Variants in LOC400499 observed in about 807,000 individuals in gnomAD.
At chr16:11,512,909 G>A in the LOC400499 span, among the ~76,000 whole-genome samples, 14 of 152,242 alleles carry the variant, frequency 9.2e-5, no homozygotes, top group East Asian at 1.9e-4. Context: ...GAGCGAAGTC[G>A]GAGAAATCCC....
the LOC400499 span, among the ~76,000 whole-genome samples, chr16:11,402,847 G>T: frequency 6.6e-6 from 1 of 152,022 alleles, no homozygotes; most frequent in Non-Finnish European, 1.5e-5. Context: ...GGAGCTGATG[G>T]GGGCAGCCGC....
the LOC400499 span, chr16:11,425,330 G>A: frequency 2.5e-6 from 1 of 399,208 alleles, no homozygotes; most frequent in Non-Finnish European, 4.4e-6. Flanking sequence ...TCTGGGCAAG[G>A]ACACAGGTCA....
At chr16:11,505,954 G>C in the LOC400499 span, among the ~76,000 whole-genome samples, 1 of 152,138 alleles carries the variant, frequency 6.6e-6, no homozygotes, top group South Asian at 2.1e-4. Context: ...GGAATCTATT[G>C]AGTATTAGAG....
the LOC400499 span, among the ~76,000 whole-genome samples, chr16:11,432,658 C>T: frequency 1.3e-5 from 2 of 152,186 alleles, no homozygotes; most frequent in African/African-American, 4.8e-5. Flanking sequence ...GGGCAGGGGA[C>T]ACAGTTCCTA....
chr16:11,411,182 C>T, the LOC400499 span: 1 of 399,020 alleles, frequency 2.5e-6, no homozygotes, highest in Non-Finnish European at 4.4e-6. Context: ...GGGGCCTGGC[C>T]CCCTCCTGCC....
At chr16:11,487,617 A>T in the LOC400499 span, among the ~76,000 whole-genome samples, 3 of 152,096 alleles carry the variant, frequency 2.0e-5, no homozygotes, top group Admixed American at 1.3e-4. Context: ...TGCCCAGAGC[A>T]CCCGACCCCC....
chr16:11,524,305 G>A, the LOC400499 span, among the ~76,000 whole-genome samples: 1 of 138,078 alleles, frequency 7.2e-6, no homozygotes, highest in African/African-American at 2.8e-5. Flanking sequence ...ACTCCCCGCT[G>A]TTATCCATGC....
At chr16:11,517,625 C>G in the LOC400499 span, among the ~76,000 whole-genome samples, 1 of 152,122 alleles carries the variant, frequency 6.6e-6, no homozygotes, top group African/African-American at 2.4e-5. Context: ...ATTGTTGAGA[C>G]AAGGAAATGA....
At chr16:11,421,903 A>G in the LOC400499 span, among the ~76,000 whole-genome samples, 1 of 152,238 alleles carries the variant, frequency 6.6e-6, no homozygotes, top group Non-Finnish European at 1.5e-5. Context: ...CCCGAGTTGT[A>G]TACTTTAAAA....
At chr16:11,390,005 G>A in the LOC400499 span, 2 of 707,226 alleles carry the variant, frequency 2.8e-6, no homozygotes, top group East Asian at 3.4e-5. Context: ...TGGGCAGGGT[G>A]GTCACAGGAG....
the LOC400499 span, among the ~76,000 whole-genome samples, chr16:11,480,462 A>C: frequency 6.6e-6 from 1 of 152,334 alleles, no homozygotes; most frequent in Non-Finnish European, 1.5e-5. Context: ...TCACTATCAG[A>C]TGTACATGGC....
the LOC400499 span, chr16:11,424,314 G>C: frequency 2.5e-6 from 1 of 399,546 alleles, no homozygotes; most frequent in African/African-American, 2.1e-5. Context: ...GTGGGTGAGA[G>C]ACAGGAGCAT....
At chr16:11,411,840 C>A in the LOC400499 span, among the ~76,000 whole-genome samples, 6 of 136,766 alleles carry the variant, frequency 4.4e-5, no homozygotes, top group African/African-American at 5.4e-5. Context: ...ACAATCTCCA[C>A]GTTTTTCTCT....
At chr16:11,390,201 G>T in the LOC400499 span, 5 of 1,232,480 alleles carry the variant, frequency 4.1e-6, no homozygotes, top group Non-Finnish European at 5.1e-6. Context: ...CTGTTGGGCG[G>T]CCTGGAGAGG....
the LOC400499 span, among the ~76,000 whole-genome samples, chr16:11,477,238 C>T: frequency 7.7e-4 from 117 of 152,352 alleles, no homozygotes; most frequent in South Asian, 9.3e-3. Context: ...TAAGTCCCAG[C>T]CCAGGCTCTT....
chr16:11,465,208 C>G, the LOC400499 span: 1 of 152,340 alleles, frequency 6.6e-6, no homozygotes. Context: ...CTCACTGGAA[C>G]CTCCACCTCC....
chr16:11,420,605 C>A, the LOC400499 span, among the ~76,000 whole-genome samples: 1 of 91,834 alleles, frequency 1.1e-5, no homozygotes, highest in African/African-American at 5.6e-5. Flanking sequence ...AAACCCCCCC[C>A]CCCGGAAAAA....
the LOC400499 span, among the ~76,000 whole-genome samples, chr16:11,461,373 C>T: frequency 0.38 from 58,102 of 152,040 alleles, 12,471 homozygotes; most frequent in Non-Finnish European, 0.5. Context: ...ACGTGTGCCA[C>T]CACACTTGGC....
the LOC400499 span, among the ~76,000 whole-genome samples, chr16:11,419,400 T>G: frequency 6.6e-6 from 1 of 151,898 alleles, no homozygotes; most frequent in Non-Finnish European, 1.5e-5. Context: ...TAGCCATATG[T>G]AGAAAGCTGA....
Sources: gnomAD v4.1 joint callset for allele counts (sites outside exome capture counted in the v4.1 genomes callset) on GRCh38, gnomAD v4.1.1 for gene constraint, MANE v1.5 for transcripts.